RPL28: variants seen among roughly 807,000 people sequenced by gnomAD.
RPL28 encodes the protein large ribosomal subunit protein eL28.
In RPL28, 4 loss-of-function variants were observed where a neutral mutation model predicts 12.5. The observed-to-expected ratio is 0.32, with a 90% CI of 0.16 to 0.73. The LOEUF (loss-of-function observed/expected upper bound fraction) is 0.73. Among genes scored for constraint, RPL28 ranks in the 30% least tolerant of loss-of-function variants. The pLI, the probability that RPL28 is intolerant of heterozygous loss-of-function variation, is 0.66. For synonymous variants in RPL28, 91 were observed against 72.5 expected (o/e 1.26, Z -1.30); for missense variants, 214 against 197.7 (o/e 1.08, Z -0.49).
In RPL28 at chr19:55,387,956, G is replaced by A. The variant is rs1375857394; in HGVS notation, c.232G>A (p.Val78Met). The change falls in exon 4 of 5, where the codon GTG becomes ATG. Residue 78 changes from valine to methionine, a missense_variant. Val to Met is a conservative substitution (Grantham distance 21, BLOSUM62 1). Coordinates refer to ENST00000344063, the MANE Select transcript of RPL28 (RefSeq NM_000991.5). The part of the protein sequence containing the change: ...SGQRKPATSY[V>M]RTTINKNARA... ...CCAGCGGAAGCCTGCCACCTCCTAT[G>A]TGCGGACCACCATCAACAAGAATGC... 3 of 1,597,814 alleles carry A rather than the reference G, an allele frequency of 1.9e-6. No homozygotes were observed. The highest frequency in any genetic ancestry group is 2.0e-4 in the Middle Eastern group (1 of 4,908).
downstream of RPL28, among the ~76,000 whole-genome samples, chr19:55,392,960 A>T (rs1218536616): frequency 6.6e-6 from 1 of 152,002 alleles, no homozygotes; most frequent in Non-Finnish European, 1.5e-5. Context: ...TTCGATGGCC[A>T]TCAGCGCTGC....
chr19:55,387,082 A>G, intron 3 of RPL28: 1 of 1,420,824 alleles, frequency 7.0e-7, no homozygotes, highest in Non-Finnish European at 9.3e-7. Flanking sequence ...TTAGGAGGGG[A>G]CAGGCTGGGT....
At chr19:55,402,627 C>T (rs1411543232) in intron 4 of RPL28, among the ~76,000 whole-genome samples, 1 of 152,200 alleles carries the variant, frequency 6.6e-6, no homozygotes, top group African/African-American at 2.4e-5. Context: ...GACCAGGACA[C>T]AGGTTCCCAC....
In RPL28 at chr19:55,391,634, T is replaced by C. The variant is rs7260639; in HGVS notation, c.*3302T>C. The C allele has an allele frequency of 2.9e-3, 4,489 of 1,546,214 alleles. 99 individuals are homozygous for C. The African/African-American group carries it at 0.051, about 18-fold the overall frequency. On this transcript the variant is annotated 3_prime_UTR_variant, in exon 5 of 5. Coordinates refer to ENST00000344063, the MANE Select transcript of RPL28 (RefSeq NM_000991.5). ...GGGCAAGTTCCTCAACCTCTCTGTG[T>C]CTTCGTACCCTCATCTGTAACATGC...
downstream of RPL28, among the ~76,000 whole-genome samples, chr19:55,395,610 AT>A (rs527971864): frequency 1.3e-5 from 2 of 150,714 alleles, no homozygotes; most frequent in Non-Finnish European, 3.0e-5. Flanking sequence ...CACCCGGCTA[AT>A]TTTTTGTATT....
chr19:55,389,220 ACC>A lies in RPL28; in HGVS notation c.*889_*890del. On this transcript the variant is annotated 3_prime_UTR_variant, in exon 5 of 5. Transcript: ENST00000344063. ...TAAAATTAGCTGGGTGTGGTGGTGC[ACC>A]GCCTGTGGTCCCAGCTCCTCAGAGG... is the stretch of plus-strand genomic sequence containing the variant. 1 of 935,936 alleles carries A rather than the reference ACC, an allele frequency of 1.1e-6. No homozygotes were observed. The highest frequency in any genetic ancestry group is 1.3e-6 in the Non-Finnish European group (1 of 784,882). 58.0% of individuals were successfully genotyped at this position (935,936 alleles called of 1,614,324 possible).
Position 55,401,422 on chromosome 19 carries a change from A to G in RPL28, c.325-1521A>G. ...GAGAGGTTGGGGTCACGGTGGAAGG[A>G]GGAAGAGAGCCCACTACAGCCGCCG... On this transcript the variant is annotated intron_variant, in intron 4 of 4. Transcript: ENST00000560055. 1.9e-6 allele frequency: 3 copies of G among 1,576,474 alleles called. No individual in the cohort carries two copies. The South Asian group carries it at 3.3e-5, about 18-fold the overall frequency.
Position 55,390,253 on chromosome 19 carries a change from C to T in RPL28, c.*1921C>T, listed in dbSNP as rs997199930. Reference sequence around the variant, plus strand: ...AGTCTCGCTCTGTTGCCCAGGCTGGCGAGTGCAATGGCGCGATCTTGGCTC... The same window carrying T: ...AGTCTCGCTCTGTTGCCCAGGCTGGTGAGTGCAATGGCGCGATCTTGGCTC... On this transcript the variant is annotated 3_prime_UTR_variant, in exon 5 of 5. Coordinates refer to ENST00000344063, the MANE Select transcript of RPL28 (RefSeq NM_000991.5). 4.0e-5 allele frequency: 39 copies of T among 964,318 alleles called. No individual in the cohort carries two copies. The highest frequency in any genetic ancestry group is 4.6e-5 in the Non-Finnish European group (37 of 811,050). The allele number at this position is 964,318 out of a possible 1,614,324, so 59.7% of individuals were successfully genotyped here.
In RPL28 at chr19:55,388,269, C is replaced by T. The variant is rs1447743738; in HGVS notation, c.351C>T (p.Ile117=). The change falls in exon 5 of 5, where the codon ATC becomes ATT. Residue 117 remains isoleucine, a synonymous_variant. Coordinates refer to ENST00000344063, the MANE Select transcript of RPL28 (RefSeq NM_000991.5). ...RMAAIRRASA[I]LRSQKPVMVK... ...CAGCCATCCGCAGGGCCAGCGCCAT[C>T]CTGCGCAGCCAGAAGCCTGTGATGG... 6 of 1,579,776 alleles carry T rather than the reference C, an allele frequency of 3.8e-6. No homozygotes were observed. Among genetic ancestry groups the T allele is most frequent in the Non-Finnish European group, 5.2e-6 (6 of 1,163,640 alleles).
intron 4 of RPL28, among the ~76,000 whole-genome samples, chr19:55,397,626 C>T (rs1157566966): frequency 1.3e-5 from 2 of 152,008 alleles, no homozygotes; most frequent in Non-Finnish European, 2.9e-5. Flanking sequence ...GTGATCCACC[C>T]GCCTCGACCT....
rs1434467960 is a variant in RPL28, at chr19:55,390,693, G to A, written c.*2361G>A. 3.0e-6 allele frequency: 3 copies of A among 985,324 alleles called. No individual in the cohort carries two copies. Among genetic ancestry groups the A allele is most frequent in the African/African-American group, 1.7e-5 (1 of 57,218 alleles). The allele number at this position is 985,324 out of a possible 1,614,324, so 61.0% of individuals were successfully genotyped here. A position where few individuals can be genotyped will look rare whatever the true frequency, so the allele number is the denominator to read the frequency against. On this transcript the variant is annotated 3_prime_UTR_variant, in exon 5 of 5. Coordinates refer to ENST00000344063, the MANE Select transcript of RPL28 (RefSeq NM_000991.5). The stretch of plus-strand genomic sequence containing the variant: ...AGCTTAGTGGGCCTCTGTTCCTGCG[G>A]GTGGCCAGCCTGTCTGTGTGGCTGG...
At chr19:55,386,907 G>A (rs1435942779) in intron 3 of RPL28, 2 of 1,497,326 alleles carry the variant, frequency 1.3e-6, no homozygotes, top group African/African-American at 1.4e-5. Context: ...GTAAAGTGGA[G>A]AAATGAAAAA....
chr19:55,386,605 C>T lies in RPL28; in HGVS notation c.117C>T (p.Arg39=), dbSNP rs780017052. 5.0e-6 allele frequency: 8 copies of T among 1,612,402 alleles called. No individual in the cohort carries two copies. Among genetic ancestry groups the T allele is most frequent in the Non-Finnish European group, 6.8e-6 (8 of 1,178,630 alleles). The change falls in exon 3 of 5, where the codon CGC becomes CGT. Residue 39 remains arginine, a synonymous_variant. Transcript: ENST00000344063. The part of the protein sequence containing the change: ...PNNLKARNSF[R]YNGLIHRKTV... ...ACTTGAAGGCCCGCAATTCCTTCCG[C>T]TACAACGGACTGATTCACCGCAAGA...
rs1419097620 is a variant in RPL28 at position 55,388,862 on chromosome 19, C to T, written c.*530C>T. 3 of 986,142 alleles carry T rather than the reference C, an allele frequency of 3.0e-6. No homozygotes were observed. Among genetic ancestry groups the T allele is most frequent in the Non-Finnish European group, 3.6e-6 (3 of 830,532 alleles). The allele number at this position is 986,142 out of a possible 1,614,324, so 61.1% of individuals were successfully genotyped here. ...TGGGCTTTACTTGATGCAACCTCAT[C>T]TCTGAGATGGGCAACTTGGTGGGTG... On this transcript the variant is annotated 3_prime_UTR_variant, in exon 5 of 5. Coordinates refer to ENST00000344063, the MANE Select transcript of RPL28 (RefSeq NM_000991.5).
Position 55,386,455 on chromosome 19 carries a change from T to C in RPL28, c.81+17T>C. 1 of 1,613,174 alleles carries C rather than the reference T, an allele frequency of 6.2e-7. No individual in the cohort carries two copies. The highest frequency in any genetic ancestry group is 1.3e-5 in the African/African-American group (1 of 75,032). ...TACAGCACTGTAAGTGGGGCCCGGA[T>C]GCGTGGCTCCTGCGGGAGGAGGGTC... On this transcript the variant is annotated intron_variant, in intron 2 of 4. Transcript: ENST00000344063.
At chr19:55,393,753 A>T (rs532891197), downstream of RPL28, among the ~76,000 whole-genome samples, 1 of 150,736 alleles carries the variant, frequency 6.6e-6, no homozygotes, top group East Asian at 2.0e-4. Context: ...GGTTCAAGCG[A>T]TTCTCCTGCC....
intron 4 of RPL28, among the ~76,000 whole-genome samples, chr19:55,398,182 C>T (rs546216373): frequency 6.6e-5 from 10 of 151,596 alleles, no homozygotes; most frequent in South Asian, 2.1e-4. Flanking sequence ...GGTGACACAG[C>T]GAAACTCTGT....
At chr19:55,386,295 A>G (rs550367975) in intron 1 of RPL28, 55 bp from the exon 2 acceptor site, 1 of 1,552,236 alleles carries the variant, frequency 6.4e-7, no homozygotes, top group South Asian at 1.1e-5. Flanking sequence ...CCCGTGGCCT[A>G]ACGCTGCTTT....
At position 55,388,007 on chromosome 19, in the gene RPL28, C is replaced by T. The variant is rs1309312830; in HGVS notation, c.283C>T (p.His95Tyr). 3.1e-6 allele frequency: 5 copies of T among 1,613,546 alleles called. No individual in the cohort carries two copies. The South Asian group carries it at 3.3e-5, about 11-fold the overall frequency. ...NARATLSSIR[H>Y]MIRKNKYRPD... The stretch of plus-strand genomic sequence containing the variant: ...TCGCGCCACGCTCAGCAGCATCAGA[C>T]ACATGATCCGCAAGAACAAGTACCG... The change falls in exon 4 of 5, where the codon CAC (histidine) becomes TAC (tyrosine). Residue 95 changes from histidine to tyrosine, a missense_variant. Transcript: ENST00000344063.
Sources: allele counts gnomAD v4.1 joint callset (sites outside exome capture counted in the v4.1 genomes callset), GRCh38; gene constraint gnomAD v4.1.1; transcripts MANE v1.5; gene names NCBI Gene and HGNC (gene_info 2026-07-23, HGNC 2026-07-21).